The following FGL1 variants were observed in gnomAD, a reference collection of about 807,000 sequenced individuals.
FGL1 encodes the protein fibrinogen like 1, also known as fibrinogen-like protein 1.
In FGL1, 59 loss-of-function variants were observed where a neutral mutation model predicts 43.7. The ratio of observed to expected loss-of-function variants is 1.35; its 90% CI spans 1.10 to 1.68. FGL1 has a LOEUF of 1.68. Among genes scored for constraint, FGL1 ranks in the 40% most tolerant of loss-of-function variants. The pLI, the probability that FGL1 is intolerant of heterozygous loss-of-function variation, is 0.00. For synonymous variants in FGL1, 192 were observed against 126.5 expected, an observed-to-expected ratio of 1.52 and a Z score of -3.48; for missense variants, 596 against 373.0, an observed-to-expected ratio of 1.60 and a Z score of -4.92.
At chr8:17,872,187 A>G (rs913842718) in intron 5 of FGL1, among the ~76,000 whole-genome samples, 18 of 152,134 alleles carry the variant, frequency 1.2e-4, no homozygotes, top group Non-Finnish European at 5.9e-5. Flanking sequence ...AATGTTTATC[A>G]TTCTAGTGTC....
chr8:17,882,387 T>A, intron 2 of FGL1: 1 of 443,056 alleles, frequency 2.3e-6, no homozygotes, highest in Non-Finnish European at 4.0e-6. Flanking sequence ...ACTCCTGGAC[T>A]CAAAAGATCA....
At chr8:17,874,647 T>G in intron 3 of FGL1, 126 bp from the exon 4 acceptor site, 1 of 588,418 alleles carries the variant, frequency 1.7e-6, no homozygotes, top group East Asian at 3.1e-5. Flanking sequence ...GAAATCAGCG[T>G]TTTAAAATTG....
At chr8:17,868,363 A>G in intron 7 of FGL1, 185 bp downstream of exon 7, 1 of 420,646 alleles carries the variant, frequency 2.4e-6, no homozygotes, top group Non-Finnish European at 4.1e-6. Context: ...ACACTTTACT[A>G]ATGTACACAA....
chr8:17,866,464 C>T (rs2053271135), intron 7 of FGL1, among the ~76,000 whole-genome samples: 1 of 152,126 alleles, frequency 6.6e-6, no homozygotes, highest in Non-Finnish European at 1.5e-5. Flanking sequence ...AGATGATAGT[C>T]GAACTCACTG....
intron 2 of FGL1, 83 bp from the exon 3 acceptor site, chr8:17,882,262 G>T: frequency 7.7e-7 from 1 of 1,301,928 alleles, no homozygotes; most frequent in East Asian, 2.5e-5. Context: ...ATAAATCAGT[G>T]ATTCCATTTT....
intron 1 of FGL1, among the ~76,000 whole-genome samples, chr8:17,895,065 C>T (rs1317140182): frequency 6.6e-6 from 1 of 151,656 alleles, no homozygotes; most frequent in Non-Finnish European, 1.5e-5. Context: ...CAAAAAGGCA[C>T]CCCCTAGTCT....
At chr8:17,890,722 G>A (rs1044670205) in intron 1 of FGL1, among the ~76,000 whole-genome samples, 2 of 152,154 alleles carry the variant, frequency 1.3e-5, no homozygotes, top group African/African-American at 4.8e-5. Flanking sequence ...GACTGGGGAG[G>A]CCCCAGGAAA....
In FGL1 at chr8:17,893,910, T is replaced by G. The variant is rs1003106645; in HGVS notation, c.-18+1537A>C. ...TATTGCACAATTAGTTGTATTTCTT[T>G]TATAATATTTTTGCCTTAGGCAGTA... On this transcript the variant is annotated intron_variant, in intron 1 of 7. Transcript: ENST00000427924. Among the ~76,000 whole-genome samples, 43 of 147,340 alleles carry G rather than the reference T, an allele frequency of 2.9e-4. 10 individuals are homozygous for G. The highest frequency in any genetic ancestry group is 1.1e-3 in the African/African-American group (41 of 37,626).
intron 3 of FGL1, among the ~76,000 whole-genome samples, chr8:17,881,135 C>G (rs1049866616): frequency 2.0e-5 from 2 of 98,872 alleles, no homozygotes; most frequent in African/African-American, 9.8e-5. Flanking sequence ...CATGTGTACA[C>G]GGATTTTTTT....
At chr8:17,895,361 C>T (rs1447568240) in intron 1 of FGL1, 86 bp downstream of exon 1, 2 of 1,229,258 alleles carry the variant, frequency 1.6e-6, no homozygotes, top group Admixed American at 2.6e-5. Context: ...ATGGTTGTTA[C>T]CTGAGTTTTG....
Position 17,893,777 on chromosome 8 carries a change from T to A in FGL1, c.-18+1670A>T, listed in dbSNP as rs1456867602. Reference sequence around the variant, plus strand: ...GTAATATTGAAGAAATGCTAAGCATTAAGAAACTTGCTTTGAAATTCTGGT... The same window carrying A: ...GTAATATTGAAGAAATGCTAAGCATAAAGAAACTTGCTTTGAAATTCTGGT... On this transcript the variant is annotated intron_variant, in intron 1 of 7. Coordinates refer to ENST00000427924, the MANE Select transcript of FGL1 (RefSeq NM_004467.4). Among the ~76,000 whole-genome samples, 3 of 147,482 alleles carry A rather than the reference T, an allele frequency of 2.0e-5. No homozygotes were observed. In the East Asian group the frequency reaches 5.8e-4, roughly 28 times the overall value.
intron 1 of FGL1, chr8:17,891,609 G>T (rs1222907587): frequency 2.4e-6 from 2 of 837,610 alleles, no homozygotes; most frequent in African/African-American, 3.7e-5. Context: ...ACATGTTTTG[G>T]GGGCACAGCT....
At chr8:17,868,042 G>A (rs1436170700) in intron 7 of FGL1, among the ~76,000 whole-genome samples, 1 of 152,130 alleles carries the variant, frequency 6.6e-6, no homozygotes, top group East Asian at 1.9e-4. Flanking sequence ...TCAGTCAGAG[G>A]GTAGAATTAG....
At chr8:17,869,582 C>T (rs1279208984) in intron 5 of FGL1, among the ~76,000 whole-genome samples, 1 of 152,108 alleles carries the variant, frequency 6.6e-6, no homozygotes, top group Non-Finnish European at 1.5e-5. Flanking sequence ...TATCCGAAAA[C>T]CTTCGTTTGA....
At chr8:17,875,303 C>A (rs186975887) in intron 3 of FGL1, among the ~76,000 whole-genome samples, 1 of 152,056 alleles carries the variant, frequency 6.6e-6, no homozygotes, top group Non-Finnish European at 1.5e-5. Flanking sequence ...AATCTCTTAG[C>A]CTTATTAGAT....
intron 3 of FGL1, among the ~76,000 whole-genome samples, chr8:17,881,348 G>A (rs2053532330): frequency 6.6e-6 from 1 of 151,568 alleles, no homozygotes; most frequent in African/African-American, 2.4e-5. Context: ...TATTGGCCAG[G>A]CTGGTCTAGA....
intron 5 of FGL1, among the ~76,000 whole-genome samples, chr8:17,870,025 G>A (rs920372458): frequency 2.0e-5 from 3 of 152,092 alleles, no homozygotes; most frequent in Admixed American, 1.3e-4. Context: ...CAGGAGAATG[G>A]CGTGAACCCA....
chr8:17,878,330 G>C (rs187375578), intron 3 of FGL1, among the ~76,000 whole-genome samples: 5 of 152,246 alleles, frequency 3.3e-5, no homozygotes, highest in African/African-American at 1.2e-4. Context: ...CTTCAGATGG[G>C]GAATATGGGA....
rs145582483 is a variant in FGL1 at position 17,879,694 on chromosome 8, C to T, written c.244+2305G>A. 3.8e-3 allele frequency among the ~76,000 whole-genome samples: 574 copies of T among 151,824 alleles called. 3 individuals carry two copies. Among genetic ancestry groups the T allele is most frequent in the African/African-American group, 0.012 (492 of 41,168 alleles). ...CCAGAAGCAGATGCTGCTATGCTTC[C>T]TTTACAGCCTGCAGAACCATGAGCC... is the stretch of plus-strand genomic sequence containing the variant. On this transcript the variant is annotated intron_variant, in intron 3 of 7. Coordinates refer to ENST00000427924, the MANE Select transcript of FGL1 (RefSeq NM_004467.4).
Sources: gnomAD v4.1 joint callset for allele counts (sites outside exome capture counted in the v4.1 genomes callset) on GRCh38, gnomAD v4.1.1 for gene constraint, MANE v1.5 for transcripts, NCBI Gene and HGNC (gene_info 2026-07-23, HGNC 2026-07-21) for gene names.